PAH: variants seen among roughly 807,000 people sequenced by gnomAD.
PAH encodes the protein phenylalanine-4-hydroxylase.
PAH carries 64 observed loss-of-function variants against 62.0 expected under a neutral mutation model. The observed-to-expected ratio is 1.03, with a 90% CI of 0.84 to 1.27. PAH has a LOEUF of 1.27. PAH is among the 50% of genes most tolerant of loss of function. PAH has a pLI of 0.00. For missense variants in PAH, 579 were observed against 542.8 expected (o/e 1.07, Z -0.66); for synonymous variants, 195 against 196.2 (o/e 0.99, Z 0.05).
chr12:102,954,782 A>C (rs1220804619), upstream of PAH, among the ~76,000 whole-genome samples: 2 of 152,192 alleles, frequency 1.3e-5, no homozygotes, highest in African/African-American at 4.8e-5. Flanking sequence ...CAGAAAGCCA[A>C]TATCAATGGA....
chr12:102,895,869 A>ATATATATATATATATATAT (rs1555208129), intron 2 of PAH, among the ~76,000 whole-genome samples: 1 of 118,712 alleles, frequency 8.4e-6, no homozygotes, highest in African/African-American at 3.6e-5. Flanking sequence ...AAAAAAAAAA[A>ATATATATATATATATATAT]ATATATATAT....
chr12:102,848,351 C>T (rs912182271), intron 8 of PAH, among the ~76,000 whole-genome samples: 6 of 88,882 alleles, frequency 6.8e-5, no homozygotes, highest in African/African-American at 3.8e-4. Flanking sequence ...TACCAGGAGA[C>T]TGAAGAGGTG....
At chr12:102,872,476 G>T (rs1876386718) in intron 4 of PAH, among the ~76,000 whole-genome samples, 1 of 152,204 alleles carries the variant, frequency 6.6e-6, no homozygotes, top group Non-Finnish European at 1.5e-5. Context: ...AATGCAACAA[G>T]TCTTTGATGA....
intron 3 of PAH, among the ~76,000 whole-genome samples, chr12:102,892,790 G>A (rs1287991456): frequency 1.3e-5 from 2 of 152,218 alleles, no homozygotes; most frequent in Non-Finnish European, 2.9e-5. Flanking sequence ...AGTCTGTAAA[G>A]AAGAAGGAAT....
chr12:102,926,990 C>T (rs1448869413), intron 1 of PAH, among the ~76,000 whole-genome samples: 17 of 147,850 alleles, frequency 1.1e-4, no homozygotes, highest in African/African-American at 5.0e-5. Flanking sequence ...AAACATTTAC[C>T]GCAACCCCAC....
intron 10 of PAH, among the ~76,000 whole-genome samples, 197 bp downstream of exon 10, chr12:102,844,139 T>G (rs1458771692): frequency 6.6e-6 from 1 of 152,162 alleles, no homozygotes; most frequent in Non-Finnish European, 1.5e-5. Flanking sequence ...TATGTGTACT[T>G]GCAATTCCAT....
At chr12:102,911,216 A>G (rs1878190019) in intron 2 of PAH, among the ~76,000 whole-genome samples, 1 of 152,158 alleles carries the variant, frequency 6.6e-6, no homozygotes, top group Non-Finnish European at 1.5e-5. Flanking sequence ...GCAAATCAAA[A>G]ACACCATAAC....
At chr12:102,928,805 G>A (rs925298804) in intron 1 of PAH, among the ~76,000 whole-genome samples, 1 of 152,034 alleles carries the variant, frequency 6.6e-6, no homozygotes, top group African/African-American at 2.4e-5. Flanking sequence ...GGAGACACTT[G>A]GGGGACTAGA....
At chr12:102,958,038 G>T (rs912655804) in intron 1 of PAH, 130 of 406,118 alleles carry the variant, frequency 3.2e-4, no homozygotes, top group Middle Eastern at 1.3e-3. Flanking sequence ...AGGAGAAAAA[G>T]CATTTTCACT....
rs865968546 is a variant in PAH, at chr12:102,840,432, T to C, written c.1283A>G (p.Gln428Arg). ...GGAATCAGCCAAAATCTTAAGCTGC[T>C]GGGTATTGTCCAAGACCTCAATCCT... Reference protein sequence around the residue: ...TQRIEVLDNTQQLKILADSIN... With the variant: ...TQRIEVLDNTRQLKILADSIN... Residue 428 changes from glutamine to arginine, a missense_variant, in exon 12 of 13, where the codon CAG becomes CGG. By Grantham distance (43) the Gln-to-Arg change is conservative (BLOSUM62 1). Transcript: ENST00000553106. 1 of 1,613,904 alleles carries C rather than the reference T, an allele frequency of 6.2e-7. No individual in the cohort carries two copies. Among genetic ancestry groups the C allele is most frequent in the Non-Finnish European group, 8.5e-7 (1 of 1,179,776 alleles).
chr12:102,844,369 A>G lies in PAH; in HGVS notation c.1032T>C (p.Gly344=), dbSNP rs758646909. The G allele has an allele frequency of 2.5e-6, 4 of 1,613,784 alleles. No individual in the cohort carries two copies. The East Asian group carries it at 8.9e-5, about 36-fold the overall frequency. Residue 344 remains glycine (G), a synonymous_variant, in exon 10 of 13, where the codon GGT becomes GGC. Coordinates refer to ENST00000553106, the MANE Select transcript of PAH (RefSeq NM_000277.3). The part of the protein sequence containing the change: ...CKQGDSIKAY[G]AGLLSSFGEL... ...CACCAAAGGATGACAGGAGCCCAGCACCATATGCCTTTATGGAGTCTCCTT... is the reference window on the plus strand; with the variant it reads ...CACCAAAGGATGACAGGAGCCCAGCGCCATATGCCTTTATGGAGTCTCCTT...
chr12:102,844,094 A>G (rs903490890), intron 10 of PAH, among the ~76,000 whole-genome samples: 2 of 152,124 alleles, frequency 1.3e-5, no homozygotes, highest in African/African-American at 4.8e-5. Context: ...TGCATAGGTC[A>G]GCCTTGGAAT....
chr12:102,885,071 G>A (rs193194512), intron 3 of PAH, among the ~76,000 whole-genome samples: 5 of 152,270 alleles, frequency 3.3e-5, no homozygotes, highest in Non-Finnish European at 5.9e-5. Flanking sequence ...TGGTGAAGGG[G>A]TGCTTTTAAA....
At chr12:102,887,705 G>C (rs1244577439) in intron 3 of PAH, among the ~76,000 whole-genome samples, 1 of 152,178 alleles carries the variant, frequency 6.6e-6, no homozygotes, top group East Asian at 1.9e-4. Context: ...AATTGGGAGA[G>C]TGGGTCTTTG....
At chr12:102,894,701 G>A in intron 3 of PAH, 34 bp downstream of exon 3, 6 of 1,517,276 alleles carry the variant, frequency 4.0e-6, no homozygotes, top group Non-Finnish European at 4.6e-6. Flanking sequence ...ACAGTGTGGA[G>A]TTACTTATGT....
rs1170909133 is a variant in PAH at position 102,877,657 on chromosome 12, G to A, written c.353-107C>T. On this transcript the variant is annotated intron_variant, in intron 3 of 12. Coordinates refer to ENST00000553106, the MANE Select transcript of PAH (RefSeq NM_000277.3). The stretch of plus-strand genomic sequence containing the variant: ...CCCAGCCAATGGTGATGGCAAGTGG[G>A]CTGGCTTCCAGATAACCCCCAAATT... 3.6e-6 allele frequency: 3 copies of A among 830,764 alleles called. No homozygotes were observed. The Admixed American group carries it at 5.3e-5, about 15-fold the overall frequency. 51.5% of individuals were successfully genotyped at this position (830,764 alleles called of 1,614,324 possible). A position where few individuals can be genotyped will look rare whatever the true frequency, so the allele number is the denominator to read the frequency against.
At chr12:102,843,616 G>A (rs771420692) in intron 11 of PAH, 30 bp downstream of exon 11, 47 of 1,612,254 alleles carry the variant, frequency 2.9e-5, no homozygotes, top group Admixed American at 2.3e-4. Context: ...GGCCCCCAGA[G>A]CTAGTGGCTC....
chr12:102,953,548 T>C (rs1666184365), upstream of PAH: 1 of 152,184 alleles, frequency 6.6e-6, no homozygotes, highest in Admixed American at 6.5e-5. Flanking sequence ...GGGTCTCTGA[T>C]CTCAGGGCAG....
Position 102,843,752 on chromosome 12 carries a change from G to A in PAH, c.1093C>T (p.Leu365Phe), listed in dbSNP as rs951540129. ...QYCLSEKPKLLPLELEKTAIQ... is the reference protein window; with the variant it reads ...QYCLSEKPKLFPLELEKTAIQ... ...GCTGTCTTCTCCAGCTCCAGGGGGA[G>A]AAGCTTTGGCTTCTCTGATAAGCAG... Residue 365 changes from leucine to phenylalanine, a missense_variant, in exon 11 of 13, where the codon CTC (leucine) becomes TTC (phenylalanine). Coordinates refer to ENST00000553106, the MANE Select transcript of PAH (RefSeq NM_000277.3). 11 of 1,613,854 alleles carry A rather than the reference G, an allele frequency of 6.8e-6. No homozygotes were observed. In the Admixed American group the frequency reaches 1.8e-4, roughly 27 times the overall value.
Sources: allele counts gnomAD v4.1 joint callset (sites outside exome capture counted in the v4.1 genomes callset), GRCh38; gene constraint gnomAD v4.1.1; transcripts MANE v1.5; gene names NCBI Gene and HGNC (gene_info 2026-07-23, HGNC 2026-07-21).